Variants in DLC1 observed in about 807,000 individuals in gnomAD.
DLC1 encodes the protein DLC1 Rho GTPase activating protein.
DLC1 carries 54 observed loss-of-function variants against 140.3 expected under a neutral mutation model. That is an observed-to-expected ratio of 0.38 (90% CI 0.31 to 0.48). The LOEUF is 0.48. Among genes scored for constraint, DLC1 ranks in the 20% least tolerant of loss-of-function variants. The pLI, the probability that DLC1 is intolerant of heterozygous loss-of-function variation, is 0.96. For missense variants in DLC1, 2,536 were observed against 1,907.0 expected (o/e 1.33, Z -6.14); for synonymous variants, 986 against 728.1 (o/e 1.35, Z -5.70).
intron 5 of DLC1, among the ~76,000 whole-genome samples, chr8:13,297,576 GAGTA>G (rs752311763): frequency 7.2e-5 from 11 of 152,082 alleles, no homozygotes; most frequent in African/African-American, 1.4e-4. Flanking sequence ...CAGGCATTGG[GAGTA>G]CTGCGCTGAA....
At chr8:13,115,397 G>C (rs1207877342) in intron 6 of DLC1, among the ~76,000 whole-genome samples, 189 bp downstream of exon 6, 1 of 152,170 alleles carries the variant, frequency 6.6e-6, no homozygotes, top group Non-Finnish European at 1.5e-5. Flanking sequence ...ATGGGGGAGT[G>C]GCATGGGCGT....
intron 2 of DLC1, among the ~76,000 whole-genome samples, chr8:13,431,908 A>C (rs1163179412): frequency 6.6e-6 from 1 of 152,178 alleles, no homozygotes; most frequent in Non-Finnish European, 1.5e-5. Context: ...GCAGTAATTT[A>C]TATAGAAAAT....
At chr8:13,445,989 C>A (rs1174981808) in intron 2 of DLC1, among the ~76,000 whole-genome samples, 1 of 152,146 alleles carries the variant, frequency 6.6e-6, no homozygotes, top group Non-Finnish European at 1.5e-5. Context: ...CTTACTTGGT[C>A]ATACAGTTGT....
At chr8:13,478,187 C>G (rs1457053692) in intron 2 of DLC1, among the ~76,000 whole-genome samples, 2 of 152,108 alleles carry the variant, frequency 1.3e-5, no homozygotes, top group African/African-American at 4.8e-5. Flanking sequence ...CCTTAGGAAG[C>G]TTACAATCAT....
At chr8:13,194,375 A>G (rs373265881) in intron 5 of DLC1, among the ~76,000 whole-genome samples, 2 of 152,170 alleles carry the variant, frequency 1.3e-5, no homozygotes, top group Admixed American at 6.5e-5. Flanking sequence ...CCCTTTACAC[A>G]TATTGTTACT....
chr8:13,176,740 G>A (rs1435726916), intron 5 of DLC1, among the ~76,000 whole-genome samples: 1 of 152,048 alleles, frequency 6.6e-6, no homozygotes, highest in Non-Finnish European at 1.5e-5. Flanking sequence ...GAAGAATGAA[G>A]GTAGCAGATA....
At chr8:13,511,153 C>T (rs1448958223) in intron 1 of DLC1, among the ~76,000 whole-genome samples, 1 of 152,102 alleles carries the variant, frequency 6.6e-6, no homozygotes, top group Non-Finnish European at 1.5e-5. Context: ...ATCTCATTTC[C>T]ATTAACAGGG....
chr8:13,218,913 TATA>T, intron 5 of DLC1, among the ~76,000 whole-genome samples: 1 of 52,092 alleles, frequency 1.9e-5, no homozygotes, highest in Non-Finnish European at 3.6e-5. Context: ...CATACGAATA[TATA>T]ATTATATAAT....
At chr8:13,526,117 A>G (rs182543181) in intron 1 of DLC1, among the ~76,000 whole-genome samples, 103 of 152,334 alleles carry the variant, frequency 6.8e-4, no homozygotes, top group Middle Eastern at 3.4e-3. Context: ...ACAAAAATCA[A>G]TTGACCAACT....
chr8:13,596,319 G>C (rs1805679240), intron 1 of DLC1, among the ~76,000 whole-genome samples: 1 of 151,940 alleles, frequency 6.6e-6, no homozygotes, highest in Non-Finnish European at 1.5e-5. Flanking sequence ...AGTTTAAGGA[G>C]GGAAAAGTAG....
chr8:13,360,405 C>A (rs1178463040), intron 4 of DLC1, among the ~76,000 whole-genome samples: 1 of 152,184 alleles, frequency 6.6e-6, no homozygotes, highest in African/African-American at 2.4e-5. Context: ...ACGAGATTAT[C>A]ACTGTAGCCA....
intron 5 of DLC1, among the ~76,000 whole-genome samples, chr8:13,193,119 G>A: frequency 6.6e-6 from 1 of 152,176 alleles, no homozygotes; most frequent in East Asian, 1.9e-4. Flanking sequence ...TCTTCCTTAT[G>A]GAGAGACCTC....
chr8:13,297,065 T>G (rs1297021182), intron 5 of DLC1, among the ~76,000 whole-genome samples: 2 of 151,572 alleles, frequency 1.3e-5, no homozygotes, highest in African/African-American at 4.8e-5. Context: ...TCCTGTGAGT[T>G]CAAGATCTTT....
intron 2 of DLC1, among the ~76,000 whole-genome samples, chr8:13,434,745 C>T (rs894405769): frequency 1.3e-5 from 2 of 152,190 alleles, no homozygotes; most frequent in Non-Finnish European, 1.5e-5. Context: ...CTTGCAGTCT[C>T]GTGGCTTACT....
intron 5 of DLC1, among the ~76,000 whole-genome samples, chr8:13,261,464 GT>G (rs1444676131): frequency 1.3e-5 from 2 of 152,102 alleles, no homozygotes; most frequent in African/African-American, 4.8e-5. Context: ...ATATTGGAGG[GT>G]TTTGAGTTGA....
At chr8:13,485,811 T>C (rs1328877318) in intron 2 of DLC1, among the ~76,000 whole-genome samples, 1 of 152,248 alleles carries the variant, frequency 6.6e-6, no homozygotes, top group Non-Finnish European at 1.5e-5. Context: ...ATTTCCATTT[T>C]GAGTTGCCCA....
chr8:13,359,861 C>T (rs1395524317), intron 4 of DLC1, among the ~76,000 whole-genome samples: 1 of 152,156 alleles, frequency 6.6e-6, no homozygotes, highest in East Asian at 1.9e-4. Context: ...TTTAAGTTCT[C>T]ATGCTATTCA....
intron 1 of DLC1, among the ~76,000 whole-genome samples, chr8:13,501,854 G>A (rs746249536): frequency 2.6e-5 from 4 of 152,118 alleles, no homozygotes; most frequent in African/African-American, 7.2e-5. Flanking sequence ...GGGAGGCTAC[G>A]GAAAGTGGAA....
intron 4 of DLC1, among the ~76,000 whole-genome samples, chr8:13,382,495 G>C (rs1198060866): frequency 2.1e-5 from 2 of 94,166 alleles, no homozygotes; most frequent in Non-Finnish European, 3.7e-5. Context: ...GCGACAGCGA[G>C]ACTCCGTCTC....
Sources: gnomAD v4.1 joint callset for allele counts (sites outside exome capture counted in the v4.1 genomes callset) on GRCh38, gnomAD v4.1.1 for gene constraint, MANE v1.5 for transcripts, NCBI Gene and HGNC (gene_info 2026-07-23, HGNC 2026-07-21) for gene names.